PDE1C: variants seen among roughly 807,000 people sequenced by gnomAD.
PDE1C encodes the protein dual specificity calcium/calmodulin-dependent 3',5'-cyclic nucleotide phosphodiesterase 1C.
In PDE1C, 62 loss-of-function variants were observed where a neutral mutation model predicts 93.1. The ratio of observed to expected loss-of-function variants is 0.67; its 90% CI spans 0.54 to 0.82. The LOEUF (loss-of-function observed/expected upper bound fraction) is 0.82, where lower values mean the gene tolerates loss of function less well. PDE1C is among the 40% of genes least tolerant of loss of function. The pLI is 0.00. For synonymous variants in PDE1C, 325 were observed against 310.1 expected (o/e 1.05, Z -0.50); for missense variants, 742 against 884.6 (o/e 0.84, Z 2.04).
chr7:32,286,713 A>G (rs187860257), intron 1 of PDE1C, among the ~76,000 whole-genome samples: 3 of 152,220 alleles, frequency 2.0e-5, no homozygotes, highest in Admixed American at 6.5e-5. Context: ...TAAGTTTTAA[A>G]AGCAGGTACT....
chr7:31,778,417 G>A (rs1390693609), intron 16 of PDE1C, among the ~76,000 whole-genome samples: 1 of 152,188 alleles, frequency 6.6e-6, no homozygotes, highest in African/African-American at 2.4e-5. Context: ...TCTCAGCAGT[G>A]ACACTGTGAC....
chr7:32,267,279 G>A (rs34496191), intron 1 of PDE1C, among the ~76,000 whole-genome samples: 85,705 of 151,766 alleles, frequency 0.56, 25,667 homozygotes, highest in Admixed American at 0.68. Context: ...GAGGAAGCAC[G>A]TCTAAGGGAC....
chr7:31,680,383 G>A, the PDE1C span, among the ~76,000 whole-genome samples: 1 of 152,158 alleles, frequency 6.6e-6, no homozygotes, highest in Non-Finnish European at 1.5e-5. Flanking sequence ...AGCCAACTGG[G>A]GAAGGCATCA....
intron 1 of PDE1C, among the ~76,000 whole-genome samples, chr7:32,384,044 G>C (rs1473662491): frequency 6.6e-6 from 1 of 152,172 alleles, no homozygotes; most frequent in South Asian, 2.1e-4. Flanking sequence ...TGAGAAGCTT[G>C]TACACACACA....
At chr7:31,906,824 T>C (rs947250022) in intron 2 of PDE1C, among the ~76,000 whole-genome samples, 5 of 152,170 alleles carry the variant, frequency 3.3e-5, no homozygotes, top group East Asian at 1.9e-4. Context: ...TTTGGTAAAA[T>C]AGGAATAAGA....
At chr7:32,271,545 A>G (rs902182332) in intron 1 of PDE1C, among the ~76,000 whole-genome samples, 1 of 152,204 alleles carries the variant, frequency 6.6e-6, no homozygotes, top group Non-Finnish European at 1.5e-5. Flanking sequence ...AAGGAAATCT[A>G]CTATATTGGA....
At chr7:32,278,209 G>T (rs1275409630) in intron 1 of PDE1C, among the ~76,000 whole-genome samples, 1 of 151,300 alleles carries the variant, frequency 6.6e-6, no homozygotes, top group African/African-American at 2.4e-5. Context: ...TTGGAAACAG[G>T]TTTAGAACCA....
At chr7:32,099,321 A>G (rs577184418) in intron 3 of PDE1C, among the ~76,000 whole-genome samples, 7 of 152,230 alleles carry the variant, frequency 4.6e-5, no homozygotes, top group Admixed American at 1.3e-4. Flanking sequence ...TTGCCATTAT[A>G]AAGAACCTTC....
At chr7:32,420,195 A>G (rs753801639) in intron 1 of PDE1C, among the ~76,000 whole-genome samples, 133 of 29,104 alleles carry the variant, frequency 4.6e-3, no homozygotes, top group Admixed American at 9.8e-3. Flanking sequence ...ATATATGTGT[A>G]TATATATACA....
chr7:31,727,402 T>C, the PDE1C span, among the ~76,000 whole-genome samples: 1 of 152,232 alleles, frequency 6.6e-6, no homozygotes, highest in South Asian at 2.1e-4. Flanking sequence ...GAATGGCCCA[T>C]AGTTCATTTG....
At chr7:32,271,948 G>A (rs562227355) in intron 1 of PDE1C, among the ~76,000 whole-genome samples, 26 of 152,270 alleles carry the variant, frequency 1.7e-4, no homozygotes, top group East Asian at 5.8e-4. Context: ...GTTGCAACCC[G>A]TTTTTTCTGC....
intron 3 of PDE1C, among the ~76,000 whole-genome samples, chr7:32,079,236 T>C (rs1413111195): frequency 1.3e-5 from 2 of 151,754 alleles, no homozygotes. Flanking sequence ...TGATACTAGG[T>C]ATACAATGGT....
chr7:32,123,543 G>T (rs1304532861), intron 3 of PDE1C, among the ~76,000 whole-genome samples: 4 of 152,128 alleles, frequency 2.6e-5, no homozygotes, highest in Non-Finnish European at 4.4e-5. Context: ...ATGCAAGGCT[G>T]GTTAAACATA....
At chr7:32,125,934 T>A (rs1019649497) in intron 3 of PDE1C, among the ~76,000 whole-genome samples, 5 of 152,228 alleles carry the variant, frequency 3.3e-5, no homozygotes, top group South Asian at 2.1e-4. Flanking sequence ...GCTGGTCACA[T>A]GCCTCAAGAC....
intron 3 of PDE1C, among the ~76,000 whole-genome samples, chr7:32,117,351 C>T (rs890649087): frequency 1.2e-4 from 18 of 152,136 alleles, no homozygotes; most frequent in African/African-American, 3.9e-4. Flanking sequence ...ATAGTTCATA[C>T]GATGATTTCA....
At chr7:32,022,933 G>C (rs1788882856) in intron 2 of PDE1C, among the ~76,000 whole-genome samples, 1 of 151,208 alleles carries the variant, frequency 6.6e-6, no homozygotes, top group Non-Finnish European at 1.5e-5. Flanking sequence ...AATCCATCCA[G>C]TGTAATTTTG....
intron 2 of PDE1C, among the ~76,000 whole-genome samples, chr7:32,171,779 T>C (rs1802668822): frequency 6.6e-6 from 1 of 150,600 alleles, no homozygotes; most frequent in South Asian, 2.1e-4. Flanking sequence ...GTGCATTTTG[T>C]TACCTGAGGT....
At chr7:31,624,589 A>T in the PDE1C span, among the ~76,000 whole-genome samples, 1 of 145,104 alleles carries the variant, frequency 6.9e-6, no homozygotes, top group Non-Finnish European at 1.5e-5. Flanking sequence ...CTGAAACTGG[A>T]TCCCTTCCTT....
chr7:32,211,578 A>G (rs552243923), intron 1 of PDE1C, among the ~76,000 whole-genome samples: 154 of 145,772 alleles, frequency 1.1e-3, no homozygotes, highest in Non-Finnish European at 1.8e-3. Context: ...GTTATCTTAT[A>G]ATAAAAAAAA....
Sources: allele counts gnomAD v4.1 joint callset (sites outside exome capture counted in the v4.1 genomes callset), GRCh38; gene constraint gnomAD v4.1.1; transcripts MANE v1.5; gene names NCBI Gene and HGNC (gene_info 2026-07-23, HGNC 2026-07-21).